Variants in INSL6 observed in about 807,000 individuals in gnomAD.
The protein encoded by INSL6 is insulin like 6.
INSL6 carries 16 observed loss-of-function variants against 9.4 expected under a neutral mutation model. The ratio of observed to expected loss-of-function variants is 1.70; its 90% CI spans 1.15 to 2.59. INSL6 has a LOEUF of 2.59. Ranked by LOEUF, INSL6 falls within the 30% of genes most tolerant of loss-of-function variation. The pLI, the probability that INSL6 is intolerant of heterozygous loss-of-function variation, is 0.00. For synonymous variants in INSL6, 154 were observed against 96.9 expected, an observed-to-expected ratio of 1.59 and a Z score of -3.46; for missense variants, 391 against 257.3, an observed-to-expected ratio of 1.52 and a Z score of -3.56.
chr9:5,098,796 C>G, the INSL6 span: 2 of 151,830 alleles, frequency 1.3e-5, no homozygotes, highest in Non-Finnish European at 2.9e-5. Context: ...CGGGTTCACG[C>G]CATTCTCCTG....
At chr9:5,041,854 A>C in the INSL6 span, 1 of 467,642 alleles carries the variant, frequency 2.1e-6, no homozygotes, top group Non-Finnish European at 4.3e-6. Flanking sequence ...CTGAACGCGG[A>C]CGACCCCATG....
At position 5,163,900 on chromosome 9, in the gene INSL6, A is replaced by C. The variant is rs758303005; in HGVS notation, c.*13T>G. ...ATTAAGCTTTTATTAGGTTAGAAAAAATTCTAAGATGGTTAGTATATCTTA... is the reference window on the plus strand; with the variant it reads ...ATTAAGCTTTTATTAGGTTAGAAAACATTCTAAGATGGTTAGTATATCTTA... On this transcript the variant is annotated 3_prime_UTR_variant, in exon 2 of 2. Transcript: ENST00000381641. 7 of 1,527,354 alleles carry C rather than the reference A, an allele frequency of 4.6e-6. No homozygotes were observed. Among genetic ancestry groups the C allele is most frequent in the South Asian group, 2.3e-5 (2 of 87,264 alleles). 94.6% of individuals were successfully genotyped at this position (1,527,354 alleles called of 1,614,324 possible).
At chr9:5,077,407 A>T in the INSL6 span, 1 of 655,486 alleles carries the variant, frequency 1.5e-6, no homozygotes, top group African/African-American at 1.9e-5. Context: ...ATATTTAATT[A>T]TATTTATACT....
the INSL6 span, among the ~76,000 whole-genome samples, chr9:5,047,607 G>T: frequency 6.6e-6 from 1 of 152,118 alleles, no homozygotes; most frequent in African/African-American, 2.4e-5. Context: ...AATTTCTTAA[G>T]TTCAAATTTT....
chr9:5,074,895 A>G, the INSL6 span, among the ~76,000 whole-genome samples: 2 of 152,200 alleles, frequency 1.3e-5, no homozygotes, highest in Non-Finnish European at 2.9e-5. Flanking sequence ...TCTTGCACTA[A>G]AAAGGCAAGT....
the INSL6 span, among the ~76,000 whole-genome samples, chr9:5,028,936 G>T: frequency 2.6e-5 from 4 of 152,262 alleles, no homozygotes; most frequent in South Asian, 2.1e-4. Flanking sequence ...AGGCTGTTTT[G>T]CTCTCTTATC....
At chr9:5,044,669 T>G in the INSL6 span, 2 of 519,168 alleles carry the variant, frequency 3.9e-6, no homozygotes, top group Non-Finnish European at 6.7e-6. Context: ...AATTGAGTCT[T>G]TTAGCACTAG....
intron 1 of INSL6, among the ~76,000 whole-genome samples, chr9:5,176,237 T>C (rs1825305844): frequency 2.0e-5 from 3 of 152,216 alleles, no homozygotes. Context: ...GATAATTCCC[T>C]TACCACTTCT....
chr9:5,139,080 T>TTC (rs1824439627), intron 2 of INSL6, among the ~76,000 whole-genome samples: 1 of 152,136 alleles, frequency 6.6e-6, no homozygotes, highest in South Asian at 2.1e-4. Flanking sequence ...AACAGAACAT[T>TTC]TTTGAGAAAT....
At chr9:5,093,862 C>A in the INSL6 span, among the ~76,000 whole-genome samples, 2 of 152,106 alleles carry the variant, frequency 1.3e-5, no homozygotes, top group Non-Finnish European at 2.9e-5. Flanking sequence ...CCTATGTGAT[C>A]TGATTTCAGA....
At chr9:5,180,693 G>A (rs1023221256) in intron 1 of INSL6, among the ~76,000 whole-genome samples, 1 of 152,058 alleles carries the variant, frequency 6.6e-6, no homozygotes, top group Non-Finnish European at 1.5e-5. Context: ...CTCAAACCCT[G>A]TTTTCTGTTA....
chr9:5,127,803 T>TAAAG (rs1824095696), intron 3 of INSL6: 1 of 232,522 alleles, frequency 4.3e-6, no homozygotes, highest in African/African-American at 2.2e-5. Flanking sequence ...AATTTTTTCC[T>TAAAG]AAAGACTGTA....
the INSL6 span, among the ~76,000 whole-genome samples, chr9:5,087,560 C>T: frequency 1.3e-5 from 2 of 152,262 alleles, no homozygotes; most frequent in African/African-American, 2.4e-5. Flanking sequence ...TATTTTTCTT[C>T]ATCTCCTTCT....
intron 2 of INSL6, among the ~76,000 whole-genome samples, chr9:5,153,125 C>T (rs1824743773): frequency 6.6e-6 from 1 of 151,442 alleles, no homozygotes; most frequent in South Asian, 2.1e-4. Context: ...TTTGGGCAGA[C>T]ACTGAGCTAG....
chr9:5,091,045 C>CTT, the INSL6 span: 54 of 528,332 alleles, frequency 1.0e-4, no homozygotes, highest in Middle Eastern at 5.8e-4. Flanking sequence ...TTACATTTAA[C>CTT]TTTTTTTTTT....
chr9:5,093,615 G>A, the INSL6 span, among the ~76,000 whole-genome samples: 1 of 152,058 alleles, frequency 6.6e-6, no homozygotes, highest in Admixed American at 6.6e-5. Flanking sequence ...AAAAATTTTG[G>A]TTGGGGTGAC....
At chr9:5,146,173 G>A (rs751606935) in intron 2 of INSL6, among the ~76,000 whole-genome samples, 9 of 151,928 alleles carry the variant, frequency 5.9e-5, no homozygotes, top group Non-Finnish European at 1.0e-4. Context: ...GTGGTATAAA[G>A]TGAACTCAGC....
At chr9:5,112,491 C>A in the INSL6 span, 6 of 553,068 alleles carry the variant, frequency 1.1e-5, no homozygotes, top group Non-Finnish European at 2.0e-5. Context: ...CAGACAAGGA[C>A]GAGGAGGAAG....
At chr9:4,993,526 G>C in the INSL6 span, among the ~76,000 whole-genome samples, 1 of 152,158 alleles carries the variant, frequency 6.6e-6, no homozygotes, top group African/African-American at 2.4e-5. Flanking sequence ...ATTAGGTCAG[G>C]TATGTATTTT....
Sources: gnomAD v4.1 joint callset for allele counts (sites outside exome capture counted in the v4.1 genomes callset) on GRCh38, gnomAD v4.1.1 for gene constraint, MANE v1.5 for transcripts, NCBI Gene and HGNC (gene_info 2026-07-23, HGNC 2026-07-21) for gene names.